Variants in FANCD2 observed in about 807,000 individuals in gnomAD.
The protein encoded by FANCD2 is Fanconi anemia group D2 protein.
In FANCD2, 131 loss-of-function variants were observed where a neutral mutation model predicts 192.3. That is an observed-to-expected ratio of 0.68 (90% confidence interval 0.59 to 0.79). FANCD2 has a LOEUF of 0.79. Among genes scored for constraint, FANCD2 ranks in the 30% least tolerant of loss-of-function variants. The probability of loss-of-function intolerance (pLI) is 0.00; values close to 1 mark genes in which losing one functional copy is unlikely to be tolerated. For synonymous variants in FANCD2, 524 were observed against 612.5 expected (o/e 0.86, Z 2.13); for missense variants, 1,508 against 1,701.6 (o/e 0.89, Z 2.00).
chr3:10,081,006 G>A, intron 30 of FANCD2, 94 bp from the exon 31 acceptor site: 1 of 1,370,922 alleles, frequency 7.3e-7, no homozygotes, highest in Non-Finnish European at 1.0e-6. Context: ...GCTCCTACCT[G>A]GTGACACAGG....
At chr3:10,043,613 A>T (rs1202426984) in intron 13 of FANCD2, 21 bp downstream of exon 13, 1 of 1,566,078 alleles carries the variant, frequency 6.4e-7, no homozygotes, top group African/African-American at 1.4e-5. Flanking sequence ...TGGAACTTTG[A>T]TTATCAAGGA....
chr3:10,051,951 G>A (rs1299217380), intron 17 of FANCD2, among the ~76,000 whole-genome samples: 1 of 152,052 alleles, frequency 6.6e-6, no homozygotes, highest in Non-Finnish European at 1.5e-5. Context: ...GGATGATATG[G>A]CAAGGAATAG....
At chr3:10,061,733 T>A (rs2087573337) in intron 19 of FANCD2, among the ~76,000 whole-genome samples, 1 of 152,218 alleles carries the variant, frequency 6.6e-6, no homozygotes, top group Non-Finnish European at 1.5e-5. Context: ...TGCTCTAATC[T>A]GTATTTTGTA....
chr3:10,035,381 G>C lies in FANCD2; in HGVS notation c.438+148G>C, dbSNP rs1169146796. 1.3e-5 allele frequency: 9 copies of C among 712,574 alleles called. No homozygotes were observed. In the East Asian group the frequency reaches 2.4e-4, roughly 19 times the overall value. The allele number at this position is 712,574 out of a possible 1,614,324, so 44.1% of individuals were successfully genotyped here. A position where few individuals can be genotyped will look rare whatever the true frequency, so the allele number is the denominator to read the frequency against. On this transcript the variant is annotated intron_variant, in intron 6 of 43. Coordinates refer to ENST00000675286, the MANE Select transcript of FANCD2 (RefSeq NM_001018115.3). ...TTAGCACAGCCCTGTTGCTGTGATG[G>C]GTTTGGTAGGGTAATGTCTGTGTTT... is the stretch of plus-strand genomic sequence containing the variant.
intron 26 of FANCD2, 72 bp from the exon 27 acceptor site, chr3:10,072,799 G>A: frequency 2.3e-6 from 2 of 856,904 alleles, no homozygotes; most frequent in South Asian, 1.3e-5. Flanking sequence ...AGCCAATGGA[G>A]TGACTGAATT....
intron 38 of FANCD2, among the ~76,000 whole-genome samples, chr3:10,092,936 C>G (rs544084214): frequency 6.6e-6 from 1 of 152,184 alleles, no homozygotes; most frequent in East Asian, 1.9e-4. Context: ...AAGTGATCCA[C>G]CAGCCTCAGC....
At chr3:10,063,711 A>G in intron 20 of FANCD2, 81 bp from the exon 21 acceptor site, 2 of 1,593,784 alleles carry the variant, frequency 1.3e-6, no homozygotes, top group Non-Finnish European at 8.6e-7. Flanking sequence ...AGAAAGTGAA[A>G]AAACAGTCTT....
chr3:10,061,061 G>C (rs1180915878), intron 19 of FANCD2, among the ~76,000 whole-genome samples: 1 of 152,150 alleles, frequency 6.6e-6, no homozygotes, highest in Non-Finnish European at 1.5e-5. Flanking sequence ...CATGGTGCAG[G>C]ACATGCAGCC....
At chr3:10,081,943 T>C (rs1693865172) in intron 32 of FANCD2, among the ~76,000 whole-genome samples, 1 of 152,148 alleles carries the variant, frequency 6.6e-6, no homozygotes, top group African/African-American at 2.4e-5. Context: ...ATACTTTTGT[T>C]CCTCAGGGAC....
chr3:10,033,718 T>TTTTTTA (rs2086658362), intron 3 of FANCD2, among the ~76,000 whole-genome samples: 1 of 144,816 alleles, frequency 6.9e-6, no homozygotes, highest in Non-Finnish European at 1.5e-5. Context: ...TTTTTTTTTT[T>TTTTTTA]GAGACGGAGT....
At chr3:10,082,396 T>C (rs1431396192) in intron 32 of FANCD2, among the ~76,000 whole-genome samples, 1 of 152,230 alleles carries the variant, frequency 6.6e-6, no homozygotes, top group African/African-American at 2.4e-5. Flanking sequence ...CAGTCCATTC[T>C]TCACATGGCA....
At chr3:10,068,125 G>C (rs888348436) in intron 26 of FANCD2, among the ~76,000 whole-genome samples, 2 of 152,034 alleles carry the variant, frequency 1.3e-5, no homozygotes, top group Non-Finnish European at 2.9e-5. Flanking sequence ...TACAGTATTG[G>C]AAGTCCTAGC....
intron 28 of FANCD2, 78 bp from the exon 29 acceptor site, chr3:10,074,452 G>T: frequency 3.8e-6 from 5 of 1,312,772 alleles, no homozygotes; most frequent in Non-Finnish European, 5.3e-6. Context: ...ATGCATATTT[G>T]TACTTTGAAG....
In FANCD2 at chr3:10,035,325, G is replaced by C. The variant is rs1306265845; in HGVS notation, c.438+92G>C. On this transcript the variant is annotated intron_variant, in intron 6 of 43. Coordinates refer to ENST00000675286, the MANE Select transcript of FANCD2 (RefSeq NM_001018115.3). ...TAGCGGGAACACAGGATAGAGTAGG[G>C]TTAATTGGAGAATTTGGGTTTGTAG... is the stretch of plus-strand genomic sequence containing the variant. 7.1e-6 allele frequency: 8 copies of C among 1,133,818 alleles called. No individual in the cohort carries two copies. In the East Asian group the frequency reaches 1.9e-4, roughly 27 times the overall value. 70.2% of individuals were successfully genotyped at this position (1,133,818 alleles called of 1,614,324 possible). A position where few individuals can be genotyped will look rare whatever the true frequency, so the allele number is the denominator to read the frequency against.
intron 39 of FANCD2, 46 bp downstream of exon 39, chr3:10,093,369 A>G: frequency 2.0e-6 from 3 of 1,496,270 alleles, no homozygotes; most frequent in Non-Finnish European, 2.8e-6. Flanking sequence ...CTTCCTGTGG[A>G]TCACTCTAGA....
intron 33 of FANCD2, 106 bp from the exon 34 acceptor site, chr3:10,087,028 A>T: frequency 8.4e-7 from 1 of 1,190,072 alleles, no homozygotes; most frequent in South Asian, 1.2e-5. Context: ...GATTCTGATT[A>T]GGCCGTCAAA....
chr3:10,057,322 T>G (rs950435989), intron 18 of FANCD2, among the ~76,000 whole-genome samples: 34 of 152,288 alleles, frequency 2.2e-4, no homozygotes, highest in Non-Finnish European at 1.3e-4. Flanking sequence ...GTATTTAGTT[T>G]CAATAAAGTC....
At chr3:10,035,554 T>C (rs1278002597) in intron 6 of FANCD2, among the ~76,000 whole-genome samples, 1 of 152,196 alleles carries the variant, frequency 6.6e-6, no homozygotes, top group Non-Finnish European at 1.5e-5. Flanking sequence ...CCATTTAGCT[T>C]TTTAGATGCT....
intron 18 of FANCD2, 82 bp from the exon 19 acceptor site, chr3:10,060,212 T>G: frequency 2.2e-6 from 2 of 928,394 alleles, no homozygotes; most frequent in South Asian, 2.7e-5. Context: ...GCCTTTATAG[T>G]CTAGCTATAT....
Sources: gnomAD v4.1 joint callset for allele counts (sites outside exome capture counted in the v4.1 genomes callset) on GRCh38, gnomAD v4.1.1 for gene constraint, MANE v1.5 for transcripts, NCBI Gene and HGNC (gene_info 2026-07-23, HGNC 2026-07-21) for gene names.